Variants in BCL2L13 observed in about 807,000 individuals in gnomAD.
The protein encoded by BCL2L13 is BCL2 like 13.
In BCL2L13, 13 loss-of-function variants were observed where a neutral mutation model predicts 25.8. The ratio of observed to expected loss-of-function variants is 0.50; its 90% CI spans 0.33 to 0.80. The LOEUF is 0.80. Ranked by LOEUF, BCL2L13 falls within the 30% of genes least tolerant of loss-of-function variation. BCL2L13 has a pLI of 0.02. For missense variants in BCL2L13, 504 were observed against 574.9 expected (o/e 0.88, Z 1.26); for synonymous variants, 244 against 230.3 (o/e 1.06, Z -0.54).
At chr22:17,702,655 T>C in intron 6 of BCL2L13, 1 of 251,646 alleles carries the variant, frequency 4.0e-6, no homozygotes, top group Non-Finnish European at 7.4e-6. Context: ...ATTATTATTA[T>C]TCAGTTGGTT....
At chr22:17,684,072 A>G (rs1020797142) in intron 3 of BCL2L13, among the ~76,000 whole-genome samples, 1 of 151,988 alleles carries the variant, frequency 6.6e-6, no homozygotes, top group African/African-American at 2.4e-5. Context: ...TTTGTCTTCC[A>G]TAGGTAATGC....
At chr22:17,640,083 A>G (rs1007284923) in intron 1 of BCL2L13, among the ~76,000 whole-genome samples, 1 of 151,916 alleles carries the variant, frequency 6.6e-6, no homozygotes, top group Non-Finnish European at 1.5e-5. Context: ...CGAACTCCCA[A>G]TCTCTGGTCA....
At position 17,629,002 on chromosome 22, in the gene BCL2L13, T is replaced by C. The variant is rs73876479; in HGVS notation, c.-653T>C. Reference sequence around the variant, plus strand: ...GTCGGGCTGTTTTGAGGAGTACTGGTTAGGTATATTGGAGAATGTGCCTTT... The same window carrying C: ...GTCGGGCTGTTTTGAGGAGTACTGGCTAGGTATATTGGAGAATGTGCCTTT... On this transcript the variant is annotated 5_prime_UTR_variant, in exon 1 of 7. Transcript: ENST00000399782. 3,477 of 316,570 alleles carry C rather than the reference T, an allele frequency of 0.011. 99 individuals are homozygous for C. Among genetic ancestry groups the C allele is most frequent in the African/African-American group, 0.064 (3,035 of 47,362 alleles). 19.6% of individuals were successfully genotyped at this position (316,570 alleles called of 1,614,324 possible).
At chr22:17,695,998 C>T (rs2060253557) in intron 4 of BCL2L13, 143 bp from the exon 5 acceptor site, 1 of 484,594 alleles carries the variant, frequency 2.1e-6, no homozygotes. Flanking sequence ...GTGTGAAAAG[C>T]CACGTCTTGT....
chr22:17,718,782 C>A (rs1237502753), intron 6 of BCL2L13, among the ~76,000 whole-genome samples: 1 of 152,192 alleles, frequency 6.6e-6, no homozygotes, highest in African/African-American at 2.4e-5. Context: ...CCTTGTTTAT[C>A]TCCCTGTTTC....
chr22:17,662,275 G>T (rs963671636), intron 2 of BCL2L13, among the ~76,000 whole-genome samples: 1 of 152,028 alleles, frequency 6.6e-6, no homozygotes, highest in Non-Finnish European at 1.5e-5. Flanking sequence ...TCAGGAGATC[G>T]AGACCATCCT....
At chr22:17,687,561 G>A (rs2059979916) in intron 3 of BCL2L13, among the ~76,000 whole-genome samples, 2 of 151,940 alleles carry the variant, frequency 1.3e-5, no homozygotes, top group African/African-American at 4.8e-5. Flanking sequence ...CTGTCACCCA[G>A]GCTGGAGTGC....
chr22:17,672,857 A>C (rs2059457065), intron 2 of BCL2L13, among the ~76,000 whole-genome samples: 1 of 152,038 alleles, frequency 6.6e-6, no homozygotes. Context: ...TGGTGGTGGT[A>C]TTGATGGTGG....
intron 2 of BCL2L13, 48 bp from the exon 3 acceptor site, chr22:17,683,166 T>G: frequency 9.5e-7 from 1 of 1,056,634 alleles, no homozygotes; most frequent in Non-Finnish European, 1.4e-6. Context: ...TATATTCTAA[T>G]GGTTTCTCTC....
chr22:17,711,304 C>CTTTTTTTTTTTTTTTTTTTTT (rs765639315), intron 6 of BCL2L13, among the ~76,000 whole-genome samples: 25 of 125,370 alleles, frequency 2.0e-4, no homozygotes, highest in Non-Finnish European at 2.9e-4. Flanking sequence ...CATGATGGGC[C>CTTTTTTTTTTTTTTTTTTTTT]TTTTTTTTTT....
chr22:17,673,732 G>A (rs2059491164), intron 2 of BCL2L13, among the ~76,000 whole-genome samples: 1 of 151,660 alleles, frequency 6.6e-6, no homozygotes, highest in Non-Finnish European at 1.5e-5. Context: ...TGATAACTTT[G>A]TATTTTTTAT....
At chr22:17,676,469 A>G (rs1354083829) in intron 2 of BCL2L13, among the ~76,000 whole-genome samples, 2 of 152,198 alleles carry the variant, frequency 1.3e-5, no homozygotes, top group Non-Finnish European at 2.9e-5. Flanking sequence ...TCTCAATTAA[A>G]AAAATAATCA....
intron 2 of BCL2L13, among the ~76,000 whole-genome samples, chr22:17,682,412 C>T (rs2059783245): frequency 6.6e-6 from 1 of 152,102 alleles, no homozygotes. Context: ...AGAAGTATAT[C>T]ATCTAAAAAT....
chr22:17,666,145 A>T (rs1175334284), intron 2 of BCL2L13, among the ~76,000 whole-genome samples: 1 of 152,080 alleles, frequency 6.6e-6, no homozygotes, highest in Non-Finnish European at 1.5e-5. Context: ...ATGTGCTGTA[A>T]TCTCATTGAG....
chr22:17,668,641 A>G (rs948259817), intron 2 of BCL2L13, among the ~76,000 whole-genome samples: 8 of 150,886 alleles, frequency 5.3e-5, no homozygotes, highest in East Asian at 4.0e-4. Context: ...TAATTTTTGT[A>G]TTTTTAGTAG....
At chr22:17,652,981 C>T (rs1215176950) in intron 1 of BCL2L13, among the ~76,000 whole-genome samples, 1 of 151,948 alleles carries the variant, frequency 6.6e-6, no homozygotes, top group Admixed American at 6.6e-5. Flanking sequence ...AGGAGAATGG[C>T]GTGAACCCAG....
chr22:17,698,831 C>G (rs1450819124), intron 5 of BCL2L13, among the ~76,000 whole-genome samples: 1 of 152,162 alleles, frequency 6.6e-6, no homozygotes, highest in Non-Finnish European at 1.5e-5. Flanking sequence ...ACAACAATGA[C>G]TACTTTCTGT....
chr22:17,630,586 CTTTTCT>C (rs1253165191), intron 1 of BCL2L13, among the ~76,000 whole-genome samples: 26 of 126,218 alleles, frequency 2.1e-4, no homozygotes, highest in African/African-American at 8.5e-4. Context: ...CCTTCTTTTT[CTTTTCT>C]TTTTTTTTTT....
At chr22:17,689,812 CA>C (rs1487777735) in intron 4 of BCL2L13, among the ~76,000 whole-genome samples, 2 of 145,484 alleles carry the variant, frequency 1.4e-5, no homozygotes, top group Admixed American at 7.1e-5. Flanking sequence ...CACTGCACTG[CA>C]GCCTGGGTGA....
Sources: gnomAD v4.1 joint callset for allele counts (sites outside exome capture counted in the v4.1 genomes callset) on GRCh38, gnomAD v4.1.1 for gene constraint, MANE v1.5 for transcripts, NCBI Gene and HGNC (gene_info 2026-07-23, HGNC 2026-07-21) for gene names.